Variants in TLL1 observed in about 807,000 individuals in gnomAD.
TLL1 encodes the protein tolloid like 1.
A neutral mutation model predicts 128.2 loss-of-function variants in TLL1; 49 were observed. The observed-to-expected ratio is 0.38, with a 90% CI of 0.30 to 0.48. The LOEUF (loss-of-function observed/expected upper bound fraction) is 0.48. Among genes scored for constraint, TLL1 ranks in the 20% least tolerant of loss-of-function variants. The pLI, the probability that TLL1 is intolerant of heterozygous loss-of-function variation, is 0.96. For synonymous variants in TLL1, 454 were observed against 418.8 expected (o/e 1.08, Z -1.03); for missense variants, 1,123 against 1,242.0 (o/e 0.90, Z 1.44).
intron 18 of TLL1, among the ~76,000 whole-genome samples, chr4:166,078,657 T>G (rs1248764884): frequency 6.6e-6 from 1 of 152,198 alleles, no homozygotes; most frequent in Non-Finnish European, 1.5e-5. Flanking sequence ...AACCTGATAA[T>G]AAATGTTAAA....
chr4:165,939,303 AGG>A (rs549193217), intron 1 of TLL1, among the ~76,000 whole-genome samples: 111 of 152,178 alleles, frequency 7.3e-4, no homozygotes, highest in Non-Finnish European at 1.3e-3. Context: ...GGGCAGGAAA[AGG>A]GGGCTTTGAA....
intron 3 of TLL1, among the ~76,000 whole-genome samples, chr4:165,994,117 T>C (rs958111072): frequency 6.6e-6 from 1 of 152,116 alleles, no homozygotes; most frequent in Non-Finnish European, 1.5e-5. Flanking sequence ...CTGACTTCTA[T>C]CCACTTTAGG....
intron 19 of TLL1, 88 bp downstream of exon 19, chr4:166,091,429 T>A: frequency 8.8e-7 from 1 of 1,131,904 alleles, no homozygotes; most frequent in Non-Finnish European, 1.3e-6. Context: ...GGATTGTAAA[T>A]AAATCTCCAA....
chr4:166,095,171 C>T (rs938096416), intron 19 of TLL1, among the ~76,000 whole-genome samples: 1 of 151,840 alleles, frequency 6.6e-6, no homozygotes, highest in Non-Finnish European at 1.5e-5. Flanking sequence ...TAATTTTATG[C>T]ACAAGAAAAA....
chr4:166,070,772 G>A (rs907049511), intron 16 of TLL1, among the ~76,000 whole-genome samples: 2 of 151,754 alleles, frequency 1.3e-5, no homozygotes, highest in South Asian at 2.1e-4. Context: ...ACTGTGTCTC[G>A]ATATTTGTAA....
chr4:166,031,521 C>A (rs1322714146), intron 9 of TLL1, among the ~76,000 whole-genome samples: 3 of 151,840 alleles, frequency 2.0e-5, no homozygotes, highest in African/African-American at 4.8e-5. Context: ...GCATGCACCA[C>A]CTCACGTGGC....
chr4:166,086,843 G>A (rs534418376), intron 18 of TLL1, among the ~76,000 whole-genome samples: 1 of 152,224 alleles, frequency 6.6e-6, no homozygotes, highest in South Asian at 2.1e-4. Context: ...ATGTTTGGCA[G>A]TCTGCTACAG....
chr4:166,029,231 C>A (rs1738641434), intron 9 of TLL1, among the ~76,000 whole-genome samples: 1 of 151,800 alleles, frequency 6.6e-6, no homozygotes, highest in African/African-American at 2.4e-5. Context: ...TCATTTGGTA[C>A]TCTCTACCAG....
intron 11 of TLL1, among the ~76,000 whole-genome samples, chr4:166,042,763 T>C (rs1739292664): frequency 6.6e-6 from 1 of 152,202 alleles, no homozygotes; most frequent in African/African-American, 2.4e-5. Context: ...CCTTAAACTT[T>C]TAAGTAAACG....
chr4:165,977,885 A>G (rs1295297302), intron 1 of TLL1, among the ~76,000 whole-genome samples: 2 of 152,202 alleles, frequency 1.3e-5, no homozygotes, highest in East Asian at 1.9e-4. Context: ...TGTTTAAAAT[A>G]CATTTCTGTA....
intron 16 of TLL1, among the ~76,000 whole-genome samples, chr4:166,072,739 G>T (rs1214933470): frequency 6.6e-6 from 1 of 152,006 alleles, no homozygotes; most frequent in Non-Finnish European, 1.5e-5. Flanking sequence ...AATAATGCAT[G>T]TGTTATTGAA....
intron 19 of TLL1, among the ~76,000 whole-genome samples, chr4:166,096,123 T>G (rs1742006581): frequency 6.6e-6 from 1 of 152,052 alleles, no homozygotes. Flanking sequence ...AATTACAGTT[T>G]AATAAAATCA....
chr4:165,908,279 C>G (rs1321759983), intron 1 of TLL1, among the ~76,000 whole-genome samples: 2 of 152,126 alleles, frequency 1.3e-5, no homozygotes, highest in African/African-American at 4.8e-5. Flanking sequence ...CTAAGTTTTG[C>G]ATTGTAGCAC....
intron 1 of TLL1, among the ~76,000 whole-genome samples, chr4:165,925,002 C>T (rs943776547): frequency 5.9e-5 from 9 of 152,090 alleles, no homozygotes; most frequent in Non-Finnish European, 1.2e-4. Flanking sequence ...AGACTTACTG[C>T]TCCAAAAAAA....
At chr4:166,097,917 C>G (rs1742096578) in intron 19 of TLL1, among the ~76,000 whole-genome samples, 1 of 152,120 alleles carries the variant, frequency 6.6e-6, no homozygotes, top group South Asian at 2.1e-4. Context: ...AGAAACTCTA[C>G]TTTCTCCTGA....
chr4:165,998,813 A>G (rs1579601848), intron 5 of TLL1, among the ~76,000 whole-genome samples: 2 of 151,816 alleles, frequency 1.3e-5, no homozygotes, highest in East Asian at 3.9e-4. Context: ...AAAAAAAAGT[A>G]GACACTTTTT....
chr4:165,922,050 C>T (rs1252213708), intron 1 of TLL1, among the ~76,000 whole-genome samples: 2 of 152,046 alleles, frequency 1.3e-5, no homozygotes, highest in African/African-American at 2.4e-5. Flanking sequence ...ACTGATTTTA[C>T]CAGGATTGCT....
chr4:166,104,265 T>C lies in TLL1; in HGVS notation c.*3389T>C, dbSNP rs944742939. Among the ~76,000 whole-genome samples the C allele has an allele frequency of 3.3e-5, 5 of 151,974 alleles. No individual in the cohort carries two copies. The highest frequency in any genetic ancestry group is 1.2e-4 in the African/African-American group (5 of 41,428). ...TTTATTTTTAAAAGAAACATTAAAT[T>C]ATATCTTTATGTAGATTTAGAAGGA... On this transcript the variant is annotated 3_prime_UTR_variant, in exon 21 of 21. Coordinates refer to ENST00000061240, the MANE Select transcript of TLL1 (RefSeq NM_012464.5).
At position 165,959,266 on chromosome 4, in the gene TLL1, G is replaced by T. The variant is rs566081627; in HGVS notation, c.170-30115G>T. ...CTGTGAAGAAAGTCATCGGTAGCTTGATGGGGATGGCATTGAATCTATAAA... is the reference window on the plus strand; with the variant it reads ...CTGTGAAGAAAGTCATCGGTAGCTTTATGGGGATGGCATTGAATCTATAAA... On this transcript the variant is annotated intron_variant, in intron 1 of 20. Transcript: ENST00000061240. Among the ~76,000 whole-genome samples, 253 of 152,226 alleles carry T rather than the reference G, an allele frequency of 1.7e-3. 3 individuals are homozygous for T. Among genetic ancestry groups the T allele is most frequent in the African/African-American group, 5.9e-3 (247 of 41,542 alleles).
Sources: allele counts gnomAD v4.1 joint callset (sites outside exome capture counted in the v4.1 genomes callset), GRCh38; gene constraint gnomAD v4.1.1; transcripts MANE v1.5; gene names NCBI Gene and HGNC (gene_info 2026-07-23, HGNC 2026-07-21).